CNNM2: variants seen among roughly 807,000 people sequenced by gnomAD.
CNNM2 encodes the protein cyclin and CBS domain divalent metal cation transport mediator 2.
A neutral mutation model predicts 66.9 loss-of-function variants in CNNM2; 12 were observed. That is an observed-to-expected ratio of 0.18 (90% CI 0.11 to 0.29). The LOEUF is 0.29. CNNM2 is among the 10% of genes least tolerant of loss of function. The pLI is 1.00. For synonymous variants in CNNM2, 557 were observed against 501.8 expected, an observed-to-expected ratio of 1.11 and a Z score of -1.47; for missense variants, 705 against 1,167.7, an observed-to-expected ratio of 0.60 and a Z score of 5.77.
At chr10:103,072,469 G>A (rs924964528) in intron 6 of CNNM2, among the ~76,000 whole-genome samples, 2 of 149,086 alleles carry the variant, frequency 1.3e-5, no homozygotes, top group Admixed American at 6.6e-5. Flanking sequence ...CCAGGCAGGC[G>A]ACCCCGCTTC....
In CNNM2 at chr10:103,080,450, G is replaced by A. The variant is rs557714535; in HGVS notation, c.*3270G>A. 1.7e-4 allele frequency: 26 copies of A among 152,250 alleles called. No individual in the cohort carries two copies. The highest frequency in any genetic ancestry group is 5.8e-4 in the African/African-American group (24 of 41,538). The allele number at this position is 152,250 out of a possible 1,614,324, so 9.4% of individuals were successfully genotyped here. A position where few individuals can be genotyped will look rare whatever the true frequency, so the allele number is the denominator to read the frequency against. On this transcript the variant is annotated 3_prime_UTR_variant, in exon 8 of 8. Transcript: ENST00000369878. ...AATCTTAAGACTTACACAGATATCGGGGTGCTAATCAACTGGCTTAAATCT... is the reference window on the plus strand; with the variant it reads ...AATCTTAAGACTTACACAGATATCGAGGTGCTAATCAACTGGCTTAAATCT...
At position 103,054,205 on chromosome 10, in the gene CNNM2, A is replaced by G. The variant is rs1201349186; in HGVS notation, c.1766-124A>G. The G allele has an allele frequency of 1.0e-5, 11 of 1,098,942 alleles. No homozygotes were observed. The highest frequency in any genetic ancestry group is 1.4e-5 in the Non-Finnish European group (11 of 767,434). 68.1% of individuals were successfully genotyped at this position (1,098,942 alleles called of 1,614,324 possible). A position where few individuals can be genotyped will look rare whatever the true frequency, so the allele number is the denominator to read the frequency against. On this transcript the variant is annotated intron_variant, in intron 2 of 7. Transcript: ENST00000369878. This position sits in a 1 kb window ranked among gnomAD's most constrained non-coding sequence, Gnocchi z 5.2. The stretch of plus-strand genomic sequence containing the variant: ...CTCCTTCCCCGTGGCATCTGTGCAT[A>G]GAGCGCCTGCATCTGGAAATACAGT...
In CNNM2 at chr10:102,919,954, G is replaced by T; in HGVS notation, c.1474G>T (p.Val492Leu). 1 of 1,614,228 alleles carries T rather than the reference G, an allele frequency of 6.2e-7. No individual in the cohort carries two copies. Among genetic ancestry groups the T allele is most frequent in the South Asian group, 1.1e-5 (1 of 91,082 alleles). Reference protein sequence around the residue: ...PVFEGERSNIVDLLFVKDLAF... With the variant: ...PVFEGERSNILDLLFVKDLAF... ...GTTTGAAGGGGAGCGCTCCAATATC[G>T]TGGACCTGCTGTTTGTCAAAGACTT... The change falls in exon 1 of 8, where the codon GTG (valine) becomes TTG (leucine). Residue 492 changes from valine to leucine, a missense_variant. Val to Leu is a conservative substitution (Grantham distance 32, BLOSUM62 1). Transcript: ENST00000369878.
At chr10:103,040,036 G>A (rs1308318702) in intron 1 of CNNM2, among the ~76,000 whole-genome samples, 1 of 151,970 alleles carries the variant, frequency 6.6e-6, no homozygotes, top group African/African-American at 2.4e-5. Context: ...GCATGGTGGT[G>A]CATGCCTGTA....
intron 1 of CNNM2, among the ~76,000 whole-genome samples, chr10:102,983,017 A>C (rs1418757314): frequency 2.0e-5 from 3 of 152,170 alleles, no homozygotes; most frequent in Non-Finnish European, 4.4e-5. Flanking sequence ...GTTTAGTTCT[A>C]CTTAATAATT....
chr10:102,997,482 A>G (rs2064025074), intron 1 of CNNM2, among the ~76,000 whole-genome samples: 2 of 152,146 alleles, frequency 1.3e-5, no homozygotes, highest in Non-Finnish European at 2.9e-5. Context: ...TATGTATAAA[A>G]GTTTGCTTCG....
At chr10:103,055,502 A>G (rs1351260918) in intron 3 of CNNM2, among the ~76,000 whole-genome samples, 2 of 152,276 alleles carry the variant, frequency 1.3e-5, no homozygotes, top group Admixed American at 6.5e-5. Context: ...TTTTGTGTGT[A>G]CACACATGTA....
chr10:103,049,733 C>G lies in CNNM2; in HGVS notation c.1648C>G (p.Arg550Gly). ...TAAATCTCACCTGGCTATCGTGCAG[C>G]GGGTAAACAATGAGGGAGAAGGGGA... ...KGKSHLAIVQ[R>G]VNNEGEGDPF... Residue 550 changes from arginine (R) to glycine (G), a missense_variant, in exon 2 of 8, where the codon CGG (arginine) becomes GGG (glycine). By Grantham distance (125) the Arg-to-Gly change is moderately radical. This residue lies in a region of CNNM2 where 171 missense variants were observed against 304.8 expected (regional missense o/e 0.56). Coordinates refer to ENST00000369878, the MANE Select transcript of CNNM2 (RefSeq NM_017649.5). 1 of 1,613,764 alleles carries G rather than the reference C, an allele frequency of 6.2e-7. No homozygotes were observed. Among genetic ancestry groups the G allele is most frequent in the East Asian group, 2.2e-5 (1 of 44,882 alleles).
intron 5 of CNNM2, among the ~76,000 whole-genome samples, chr10:103,069,679 G>C (rs2065540961): frequency 6.6e-6 from 1 of 152,212 alleles, no homozygotes. Flanking sequence ...AACACAGATA[G>C]ATACCTGGTG....
At chr10:103,049,360 C>CT (rs2134329058) in intron 1 of CNNM2, among the ~76,000 whole-genome samples, 1 of 152,274 alleles carries the variant, frequency 6.6e-6, no homozygotes, top group Admixed American at 6.5e-5. Context: ...CTATAAGGGT[C>CT]TTGGGAATCC....
Position 102,918,749 on chromosome 10 carries a change from G to A in CNNM2, c.269G>A (p.Gly90Glu), listed in dbSNP as rs1255547954. The change falls in exon 1 of 8, where the codon GGG becomes GAG. Residue 90 changes from glycine to glutamate, a missense_variant. This residue lies in a region of CNNM2 where 37 missense variants were observed against 58.5 expected (regional missense o/e 0.63). Coordinates refer to ENST00000369878, the MANE Select transcript of CNNM2 (RefSeq NM_017649.5). This position sits in a 1 kb window ranked among gnomAD's most constrained non-coding sequence, Gnocchi z 4.1. ...EDTNDVSFME[G>E]GALRVSERTR... ...ACGAACGACGTGTCGTTCATGGAAGGGGGGGCGCTGCGGGTGAGCGAACGG... is the reference window on the plus strand; with the variant it reads ...ACGAACGACGTGTCGTTCATGGAAGAGGGGGCGCTGCGGGTGAGCGAACGG... 4.4e-6 allele frequency: 7 copies of A among 1,590,958 alleles called. No homozygotes were observed. The highest frequency in any genetic ancestry group is 5.1e-6 in the Non-Finnish European group (6 of 1,169,634).
At chr10:102,983,922 G>C (rs909060001) in intron 1 of CNNM2, among the ~76,000 whole-genome samples, 1 of 151,804 alleles carries the variant, frequency 6.6e-6, no homozygotes, top group Non-Finnish European at 1.5e-5. Flanking sequence ...CCGCCACCAC[G>C]CCTGGCTAAT....
At chr10:103,076,373 G>A (rs1019140444) in intron 7 of CNNM2, 103 bp downstream of exon 7, 1 of 1,169,292 alleles carries the variant, frequency 8.6e-7, no homozygotes, top group Non-Finnish European at 1.2e-6. Context: ...CTCTCCCTTT[G>A]TCACTTTGTG....
chr10:103,069,508 G>T (rs1469496816), intron 5 of CNNM2, among the ~76,000 whole-genome samples: 2 of 152,190 alleles, frequency 1.3e-5, no homozygotes, highest in African/African-American at 4.8e-5. Flanking sequence ...TTCTGAGGAC[G>T]AATGAGGTTG....
At position 103,089,696 on chromosome 10, in the gene CNNM2, T is replaced by C. The variant is rs116702241; in HGVS notation, c.*12516T>C. On this transcript the variant is annotated 3_prime_UTR_variant, in exon 8 of 8. Transcript: ENST00000369878. The stretch of plus-strand genomic sequence containing the variant: ...CTTATTCTTCCTCCTCCTCCTCCTC[T>C]TCATCATCATCTTCGTCATGGCAGT... 334 of 1,609,740 alleles carry C rather than the reference T, an allele frequency of 2.1e-4. No individual in the cohort carries two copies. Among genetic ancestry groups the C allele is most frequent in the Middle Eastern group, 1.7e-4 (1 of 5,930 alleles).
At chr10:102,924,534 C>G (rs1845778430) in intron 1 of CNNM2, among the ~76,000 whole-genome samples, 1 of 152,064 alleles carries the variant, frequency 6.6e-6, no homozygotes, top group Non-Finnish European at 1.5e-5. Flanking sequence ...CAGCAAATCT[C>G]TCCATATTAA....
At chr10:102,965,295 T>C (rs1386897280) in intron 1 of CNNM2, among the ~76,000 whole-genome samples, 2 of 152,208 alleles carry the variant, frequency 1.3e-5, no homozygotes, top group Non-Finnish European at 2.9e-5. Context: ...TAAAATGATC[T>C]CAGTATTCTT....
chr10:102,934,882 G>A (rs1846179982), intron 1 of CNNM2, among the ~76,000 whole-genome samples: 1 of 151,890 alleles, frequency 6.6e-6, no homozygotes, highest in African/African-American at 2.4e-5. Flanking sequence ...TTTTGGGCTG[G>A]GCATGGTGGC....
intron 1 of CNNM2, among the ~76,000 whole-genome samples, chr10:102,994,215 G>A (rs1009146114): frequency 8.5e-5 from 13 of 152,166 alleles, no homozygotes; most frequent in African/African-American, 3.1e-4. Context: ...GGGATTACAG[G>A]CGTGAGCTAC....
Sources: gnomAD v4.1 joint callset for allele counts (sites outside exome capture counted in the v4.1 genomes callset) on GRCh38, gnomAD v4.1.1 for gene constraint, gnomAD v4.1.1 regional missense constraint, Gnocchi (gnomAD v3.1) non-coding constraint, MANE v1.5 for transcripts, NCBI Gene and HGNC (gene_info 2026-07-23, HGNC 2026-07-21) for gene names.